Variants in AGO3 observed in about 807,000 individuals in gnomAD.
AGO3 encodes protein argonaute-3.
AGO3 carries 16 observed loss-of-function variants against 105.5 expected under a neutral mutation model. That is an observed-to-expected ratio of 0.15 (90% CI 0.10 to 0.23). AGO3 has a LOEUF of 0.23. Among genes scored for constraint, AGO3 ranks in the 10% least tolerant of loss-of-function variants. AGO3 has a pLI of 1.00. For synonymous variants in AGO3, 340 were observed against 367.3 expected (o/e 0.93, Z 0.85); for missense variants, 534 against 1,088.0 (o/e 0.49, Z 7.16).
intron 14 of AGO3, among the ~76,000 whole-genome samples, chr1:36,038,666 G>T (rs1394119691): frequency 6.6e-6 from 1 of 152,304 alleles, no homozygotes; most frequent in Admixed American, 6.5e-5. Context: ...TCTGGAGGCA[G>T]TGACCAGCTC....
At chr1:35,998,254 A>C (rs1170901904) in intron 5 of AGO3, among the ~76,000 whole-genome samples, 1 of 152,182 alleles carries the variant, frequency 6.6e-6, no homozygotes, top group African/African-American at 2.4e-5. Context: ...ATATGAGTAT[A>C]GTACAATTTA....
rs1303269928 is a variant in AGO3 at position 36,055,192 on chromosome 1, T to C, written c.2474+47T>C. The C allele has an allele frequency of 2.6e-6, 4 of 1,536,468 alleles. No individual in the cohort carries two copies. Among genetic ancestry groups the C allele is most frequent in the Admixed American group, 2.0e-5 (1 of 51,100 alleles). On this transcript the variant is annotated intron_variant, in intron 18 of 18. Coordinates refer to ENST00000373191, the MANE Select transcript of AGO3 (RefSeq NM_024852.4). This position sits in a 1 kb window ranked among gnomAD's most constrained non-coding sequence, Gnocchi z 4.4. Reference sequence around the variant, plus strand: ...TTCTCACCCAAATCCCAATATTGTCTGCATGGTAGGATTTTCAAGTTCCAC... The same window carrying C: ...TTCTCACCCAAATCCCAATATTGTCCGCATGGTAGGATTTTCAAGTTCCAC...
At chr1:36,043,350 G>A in intron 16 of AGO3, 97 bp from the exon 17 acceptor site, 1 of 902,484 alleles carries the variant, frequency 1.1e-6, no homozygotes, top group Non-Finnish European at 1.7e-6. Flanking sequence ...GTAGTGAAAT[G>A]TAGGATCAGC....
At position 35,967,903 on chromosome 1, in the gene AGO3, G is replaced by T. The variant is rs539506004; in HGVS notation, c.312+828G>T. On this transcript the variant is annotated intron_variant, in intron 3 of 18. Transcript: ENST00000373191. Reference sequence around the variant, plus strand: ...TCCTCTGTTACAGAATCCAGTCCAGGATCATGATATAGATACCATGTCGTT... The same window carrying T: ...TCCTCTGTTACAGAATCCAGTCCAGTATCATGATATAGATACCATGTCGTT... 1.3e-3 allele frequency among the ~76,000 whole-genome samples: 191 copies of T among 152,140 alleles called. 5 individuals are homozygous for T. Among genetic ancestry groups the T allele is most frequent in the Non-Finnish European group, 1.5e-4 (10 of 68,008 alleles).
rs1642879567 is a variant in AGO3 at position 36,055,294 on chromosome 1, A to G, written c.2474+149A>G. 1.3e-6 allele frequency: 1 copy of G among 784,584 alleles called. No individual in the cohort carries two copies. The highest frequency in any genetic ancestry group is 1.8e-5 in the South Asian group (1 of 56,498). The allele number at this position is 784,584 out of a possible 1,614,324, so 48.6% of individuals were successfully genotyped here. On this transcript the variant is annotated intron_variant, in intron 18 of 18. Transcript: ENST00000373191. The surrounding 1 kb of genome is among the most constrained non-coding windows in gnomAD (Gnocchi z 4.4). The stretch of plus-strand genomic sequence containing the variant: ...TGCCCAAGGTTTCCTATTGAAATAT[A>G]TTGTCTAGGCTCATTAGTAATAGAA...
At chr1:36,024,242 G>A (rs1641384598) in intron 11 of AGO3, among the ~76,000 whole-genome samples, 1 of 147,488 alleles carries the variant, frequency 6.8e-6, no homozygotes, top group South Asian at 2.1e-4. Flanking sequence ...AGGCTCAAAC[G>A]ATCCTCCCAC....
intron 5 of AGO3, among the ~76,000 whole-genome samples, chr1:35,998,055 G>A (rs1218718158): frequency 6.6e-6 from 1 of 152,148 alleles, no homozygotes; most frequent in Non-Finnish European, 1.5e-5. Context: ...GAATTTAAAT[G>A]ACCTTAATAC....
At chr1:35,988,217 T>A (rs1030360115) in intron 5 of AGO3, among the ~76,000 whole-genome samples, 7 of 152,224 alleles carry the variant, frequency 4.6e-5, no homozygotes, top group Admixed American at 3.3e-4. Context: ...TACAGTGTGA[T>A]TTTTGATAAT....
intron 2 of AGO3, among the ~76,000 whole-genome samples, chr1:35,949,021 G>A (rs948339212): frequency 4.0e-5 from 6 of 151,892 alleles, no homozygotes; most frequent in African/African-American, 1.5e-4. Flanking sequence ...TCGGCTCATT[G>A]CAGCCTCCAT....
intron 14 of AGO3, among the ~76,000 whole-genome samples, 169 bp from the exon 15 acceptor site, chr1:36,039,621 A>G (rs954229904): frequency 2.0e-5 from 3 of 151,984 alleles, no homozygotes; most frequent in Admixed American, 1.3e-4. Flanking sequence ...AGCTGGGACT[A>G]TAGGCACATG....
At position 35,982,602 on chromosome 1, in the gene AGO3, GATC is replaced by G. The variant is rs779956749; in HGVS notation, c.658+9094_658+9096del. ...AGGTTTTTAAGAAGGATAGTGACAT[GATC>G]ATATTTGTTTTCCAGAAAGAGACCT... On this transcript the variant is annotated intron_variant, in intron 5 of 18. Transcript: ENST00000373191. 7.0e-6 allele frequency: 5 copies of G among 717,324 alleles called. No homozygotes were observed. In the East Asian group the frequency reaches 8.1e-5, roughly 12 times the overall value. 44.4% of individuals were successfully genotyped at this position (717,324 alleles called of 1,614,324 possible). A position where few individuals can be genotyped will look rare whatever the true frequency, so the allele number is the denominator to read the frequency against.
chr1:36,018,684 G>A (rs1641045509), intron 11 of AGO3, among the ~76,000 whole-genome samples: 1 of 152,078 alleles, frequency 6.6e-6, no homozygotes, highest in Non-Finnish European at 1.5e-5. Context: ...ACCCGCCTTG[G>A]CCTCCCAAAG....
At chr1:35,947,095 A>G (rs1043875034) in intron 2 of AGO3, among the ~76,000 whole-genome samples, 1 of 152,006 alleles carries the variant, frequency 6.6e-6, no homozygotes, top group Non-Finnish European at 1.5e-5. Flanking sequence ...TAACATACAT[A>G]TAATTTTATT....
In AGO3 at chr1:36,063,613, G is replaced by A. The variant is rs904433417; in HGVS notation, c.*7868G>A. On this transcript the variant is annotated 3_prime_UTR_variant, in exon 19 of 19. Coordinates refer to ENST00000373191, the MANE Select transcript of AGO3 (RefSeq NM_024852.4). Reference sequence around the variant, plus strand: ...TATCAATGAAGAAATCAGAGTTTAAGTGGCTAGGGAGAGCCAGGTATAAAG... The same window carrying A: ...TATCAATGAAGAAATCAGAGTTTAAATGGCTAGGGAGAGCCAGGTATAAAG... The A allele has an allele frequency of 6.6e-6, 1 of 152,138 alleles. No individual in the cohort carries two copies. The highest frequency in any genetic ancestry group is 6.5e-5 in the Admixed American group (1 of 15,272). 9.4% of individuals were successfully genotyped at this position (152,138 alleles called of 1,614,324 possible).
chr1:35,992,990 A>G (rs930932668), intron 5 of AGO3, among the ~76,000 whole-genome samples: 15 of 152,316 alleles, frequency 9.8e-5, no homozygotes, highest in Middle Eastern at 3.4e-3. Flanking sequence ...TATCCTCACA[A>G]CATTGTGGCT....
chr1:36,006,812 G>A (rs183170842), intron 6 of AGO3, among the ~76,000 whole-genome samples: 8 of 152,250 alleles, frequency 5.3e-5, no homozygotes, highest in Admixed American at 1.3e-4. Context: ...CTGGTACAGG[G>A]ATGGATACCG....
At chr1:36,006,048 T>C (rs1004816900) in intron 6 of AGO3, among the ~76,000 whole-genome samples, 78 of 152,080 alleles carry the variant, frequency 5.1e-4, no homozygotes, top group African/African-American at 1.7e-3. Flanking sequence ...GGTGGAAAAA[T>C]CTGGGTGGGA....
intron 5 of AGO3, among the ~76,000 whole-genome samples, chr1:35,984,010 A>T (rs953667400): frequency 6.6e-6 from 1 of 152,130 alleles, no homozygotes; most frequent in South Asian, 2.1e-4. Flanking sequence ...AAGTGGAAAA[A>T]CTCTTTAGGA....
At chr1:35,984,504 T>G (rs993583176) in intron 5 of AGO3, 1 of 152,556 alleles carries the variant, frequency 6.6e-6, no homozygotes, top group African/African-American at 2.4e-5. Flanking sequence ...TGAGAAGCAG[T>G]GTTTGACACC....
Sources: allele counts gnomAD v4.1 joint callset (sites outside exome capture counted in the v4.1 genomes callset), GRCh38; gene constraint gnomAD v4.1.1; non-coding constraint Gnocchi (gnomAD v3.1); transcripts MANE v1.5; gene names NCBI Gene and HGNC (gene_info 2026-07-23, HGNC 2026-07-21).